GRK5: variants seen among roughly 807,000 people sequenced by gnomAD.
GRK5 encodes g protein-coupled receptor kinase GRK5.
Under a neutral mutation model 78.4 loss-of-function variants are expected in GRK5, and 40 were observed. The ratio of observed to expected loss-of-function variants is 0.51; its 90% confidence interval spans 0.40 to 0.66. GRK5 has a LOEUF of 0.66. Among genes scored for constraint, GRK5 ranks in the 30% least tolerant of loss-of-function variants. The pLI is 0.00. For missense variants in GRK5, 598 were observed against 759.9 expected (o/e 0.79, Z 2.50); for synonymous variants, 289 against 296.8 (o/e 0.97, Z 0.27).
intron 1 of GRK5, among the ~76,000 whole-genome samples, chr10:119,277,369 C>A (rs978235436): frequency 6.6e-6 from 1 of 152,178 alleles, no homozygotes; most frequent in African/African-American, 2.4e-5. Context: ...ATAAAAATAA[C>A]GATGTCTGTA....
chr10:119,236,974 T>G (rs985497311), intron 1 of GRK5, among the ~76,000 whole-genome samples: 3 of 152,094 alleles, frequency 2.0e-5, no homozygotes, highest in African/African-American at 7.2e-5. Flanking sequence ...TAGTTCCTCT[T>G]GTCTCATATC....
At chr10:119,310,207 G>A (rs1257006960) in intron 1 of GRK5, among the ~76,000 whole-genome samples, 1 of 152,224 alleles carries the variant, frequency 6.6e-6, no homozygotes, top group Non-Finnish European at 1.5e-5. Flanking sequence ...ACAGGAAAAT[G>A]CAAATATTTT....
At chr10:119,416,965 T>C (rs970098907) in intron 4 of GRK5, among the ~76,000 whole-genome samples, 4 of 152,178 alleles carry the variant, frequency 2.6e-5, no homozygotes, top group Admixed American at 1.3e-4. Context: ...TTATAGTCAG[T>C]TGGTAATTAT....
chr10:119,454,890 G>A, intron 15 of GRK5, 79 bp from the exon 16 acceptor site: 2 of 916,626 alleles, frequency 2.2e-6, no homozygotes, highest in Non-Finnish European at 3.6e-6. Flanking sequence ...AGCAGGCAGA[G>A]GCAGCCCCGA....
At chr10:119,434,616 G>A (rs1376946199) in intron 8 of GRK5, among the ~76,000 whole-genome samples, 1 of 152,224 alleles carries the variant, frequency 6.6e-6, no homozygotes, top group Non-Finnish European at 1.5e-5. Flanking sequence ...CACGGTCTTG[G>A]GCAGCTCCAT....
chr10:119,321,355 C>T (rs1434319214), intron 1 of GRK5, among the ~76,000 whole-genome samples: 2 of 152,210 alleles, frequency 1.3e-5, no homozygotes, highest in South Asian at 2.1e-4. Context: ...AGTATCTTAC[C>T]GTTCTGGAGA....
intron 1 of GRK5, among the ~76,000 whole-genome samples, chr10:119,219,045 G>A (rs752203775): frequency 6.6e-6 from 1 of 151,960 alleles, no homozygotes; most frequent in Non-Finnish European, 1.5e-5. Context: ...CTACAGGCAC[G>A]TGCTGGGATT....
intron 2 of GRK5, among the ~76,000 whole-genome samples, chr10:119,371,928 G>C (rs980606681): frequency 2.0e-5 from 3 of 152,332 alleles, no homozygotes; most frequent in African/African-American, 7.2e-5. Flanking sequence ...CAGGTAAAGG[G>C]ACTTGCCCAA....
At chr10:119,223,562 A>G (rs1848690322) in intron 1 of GRK5, among the ~76,000 whole-genome samples, 2 of 152,046 alleles carry the variant, frequency 1.3e-5, no homozygotes, top group South Asian at 4.2e-4. Flanking sequence ...GACTACTCTG[A>G]CCGGGTCCCC....
At position 119,443,573 on chromosome 10, in the gene GRK5, G is replaced by T; in HGVS notation, c.1087G>T (p.Gly363Cys). 1 of 1,611,424 alleles carries T rather than the reference G, an allele frequency of 6.2e-7. No individual in the cohort carries two copies. Among genetic ancestry groups the T allele is most frequent in the South Asian group, 1.1e-5 (1 of 91,040 alleles). The change falls in exon 12 of 16, where the codon GGC becomes TGC. Residue 363 changes from glycine to cysteine, a missense_variant. Coordinates refer to ENST00000392870, the MANE Select transcript of GRK5 (RefSeq NM_005308.3). ...APEVLNNQRY[G>C]LSPDYWGLGC... ...AGAGGTCCTGAACAACCAGAGGTACGGCCTGAGCCCCGACTACTGGGGCCT... is the reference window on the plus strand; with the variant it reads ...AGAGGTCCTGAACAACCAGAGGTACTGCCTGAGCCCCGACTACTGGGGCCT...
At position 119,369,943 on chromosome 10, in the gene GRK5, C is replaced by T. The variant is rs370543351; in HGVS notation, c.149-10872C>T. ...TACCCAGCCAGTTCTTTGCCCATTC[C>T]CACTGCAAGGAGATATCTAAATTGT... On this transcript the variant is annotated intron_variant, in intron 2 of 15. Transcript: ENST00000392870. 1.4e-4 allele frequency among the ~76,000 whole-genome samples: 22 copies of T among 152,278 alleles called. No individual in the cohort carries two copies. In the East Asian group the frequency reaches 3.9e-3, roughly 27 times the overall value.
intron 2 of GRK5, among the ~76,000 whole-genome samples, chr10:119,374,651 C>T (rs369112651): frequency 6.6e-6 from 1 of 152,218 alleles, no homozygotes; most frequent in Non-Finnish European, 1.5e-5. Flanking sequence ...CAGTTACATT[C>T]ATTACCAAGG....
At chr10:119,348,377 C>T (rs1035959995) in intron 2 of GRK5, among the ~76,000 whole-genome samples, 10 of 152,098 alleles carry the variant, frequency 6.6e-5, no homozygotes, top group African/African-American at 2.2e-4. Flanking sequence ...TGCTGTGGAT[C>T]GTTTTGGGAA....
intron 2 of GRK5, among the ~76,000 whole-genome samples, chr10:119,355,176 C>G (rs570390146): frequency 6.6e-6 from 1 of 152,200 alleles, no homozygotes; most frequent in Non-Finnish European, 1.5e-5. Flanking sequence ...CAATCCATTT[C>G]CTGTCAAATA....
intron 13 of GRK5, among the ~76,000 whole-genome samples, chr10:119,451,623 G>A (rs1028335697): frequency 2.0e-5 from 3 of 152,234 alleles, no homozygotes; most frequent in Non-Finnish European, 2.9e-5. Flanking sequence ...GAGAAGGGTC[G>A]CAGCTCTGCA....
intron 3 of GRK5, among the ~76,000 whole-genome samples, chr10:119,381,253 A>T (rs1851705531): frequency 6.6e-6 from 1 of 152,188 alleles, no homozygotes; most frequent in Admixed American, 6.5e-5. Context: ...TAGCTCTTGG[A>T]TCTCAAGGCC....
At chr10:119,327,167 G>C (rs1479140635) in intron 2 of GRK5, among the ~76,000 whole-genome samples, 1 of 152,146 alleles carries the variant, frequency 6.6e-6, no homozygotes, top group Admixed American at 6.5e-5. Context: ...TGCTCCTGAG[G>C]AGCCACTGGG....
chr10:119,268,321 A>G (rs1322621688), intron 1 of GRK5, among the ~76,000 whole-genome samples: 1 of 152,194 alleles, frequency 6.6e-6, no homozygotes, highest in Admixed American at 6.5e-5. Flanking sequence ...TTTTGCATGC[A>G]GTGTTTTCCG....
At chr10:119,232,536 A>G (rs1158140826) in intron 1 of GRK5, among the ~76,000 whole-genome samples, 1 of 152,130 alleles carries the variant, frequency 6.6e-6, no homozygotes, top group Non-Finnish European at 1.5e-5. Flanking sequence ...TTGAATTCCC[A>G]CGTGTTGTGG....
Sources: gnomAD v4.1 joint callset for allele counts (sites outside exome capture counted in the v4.1 genomes callset) on GRCh38, gnomAD v4.1.1 for gene constraint, MANE v1.5 for transcripts, NCBI Gene and HGNC (gene_info 2026-07-23, HGNC 2026-07-21) for gene names.